PASK: variants seen among roughly 807,000 people sequenced by gnomAD.
PASK encodes the protein PAS domain-containing serine/threonine-protein kinase.
PASK carries 110 observed loss-of-function variants against 121.0 expected under a neutral mutation model. That is an observed-to-expected ratio of 0.91 (90% confidence interval 0.78 to 1.06). The LOEUF (loss-of-function observed/expected upper bound fraction) is 1.06, where lower values mean the gene tolerates loss of function less well. Ranked by LOEUF, PASK falls within the 50% of genes least tolerant of loss-of-function variation. The pLI, the probability that PASK is intolerant of heterozygous loss-of-function variation, is 0.00. For synonymous variants in PASK, 686 were observed against 717.8 expected, an observed-to-expected ratio of 0.96 and a Z score of 0.71; for missense variants, 1,643 against 1,702.3, an observed-to-expected ratio of 0.97 and a Z score of 0.61.
chr2:241,118,754 G>T (rs577361959), intron 12 of PASK: 3 of 257,448 alleles, frequency 1.2e-5, no homozygotes, highest in Non-Finnish European at 2.3e-5. Context: ...AAAGCCCAGG[G>T]GCTGGCAGGG....
chr2:241,106,263 G>C lies in PASK; in HGVS notation c.*303C>G, dbSNP rs2125396611. ...AAACAAAACATGCACATATACAAAA[G>C]TAGAAAGAGAAAACACTCATGCCTT... is the stretch of plus-strand genomic sequence containing the variant. On this transcript the variant is annotated 3_prime_UTR_variant, in exon 18 of 18. Transcript: ENST00000234040. The C allele has an allele frequency of 9.3e-6, 4 of 430,588 alleles. No individual in the cohort carries two copies. In the South Asian group the frequency reaches 9.8e-5, roughly 11 times the overall value. 26.7% of individuals were successfully genotyped at this position (430,588 alleles called of 1,614,324 possible).
At chr2:241,130,443 T>C (rs1575298305) in intron 9 of PASK, among the ~76,000 whole-genome samples, 1 of 152,192 alleles carries the variant, frequency 6.6e-6, no homozygotes, top group Admixed American at 6.5e-5. Flanking sequence ...ACGTGGCCTC[T>C]GTCCACCAAG....
At chr2:241,147,626 A>C (rs944410153) in intron 1 of PASK, among the ~76,000 whole-genome samples, 4 of 152,214 alleles carry the variant, frequency 2.6e-5, no homozygotes, top group Admixed American at 1.3e-4. Flanking sequence ...GTCTCAAAAA[A>C]TAAAATAATA....
Position 241,106,562 on chromosome 2 carries a change from G to C in PASK, c.*4C>G, listed in dbSNP as rs1344978812. The C allele has an allele frequency of 6.2e-7, 1 of 1,614,074 alleles. No individual in the cohort carries two copies. Among genetic ancestry groups the C allele is most frequent in the East Asian group, 2.2e-5 (1 of 44,886 alleles). ...AGTGGAGAAAAGCAGGAAGAAATTG[G>C]TGTTTAGCTGGTCAGCAGACGGGGA... On this transcript the variant is annotated 3_prime_UTR_variant, in exon 18 of 18. Coordinates refer to ENST00000234040, the MANE Select transcript of PASK (RefSeq NM_015148.4).
chr2:241,115,951 T>C (rs1308427277), intron 12 of PASK, among the ~76,000 whole-genome samples: 1 of 90,364 alleles, frequency 1.1e-5, no homozygotes, highest in African/African-American at 8.9e-5. Context: ...AAGCATCCCA[T>C]TACGCCGGGG....
intron 12 of PASK, among the ~76,000 whole-genome samples, chr2:241,119,552 C>T: frequency 6.6e-6 from 1 of 151,138 alleles, no homozygotes; most frequent in East Asian, 1.9e-4. Flanking sequence ...TCACTGCAAG[C>T]TCCGCCTCCC....
chr2:241,138,558 T>C (rs1470030067), intron 5 of PASK, 96 bp downstream of exon 5: 8 of 1,430,120 alleles, frequency 5.6e-6, no homozygotes, highest in Non-Finnish European at 7.8e-6. Flanking sequence ...CCTCTCTTTC[T>C]TCCCAAAGGA....
intron 7 of PASK, among the ~76,000 whole-genome samples, chr2:241,136,547 C>T (rs563748022): frequency 1.3e-5 from 2 of 152,320 alleles, no homozygotes; most frequent in South Asian, 4.1e-4. Flanking sequence ...ACAGAGGGCA[C>T]AAGTGTCCAT....
In PASK at chr2:241,126,307, G is replaced by A; in HGVS notation, c.2608C>T (p.Gln870Ter). The change falls in exon 10 of 18, where the codon CAG becomes TAG. Residue 870 changes from glutamine (Q) to a stop codon, truncating the protein, a stop_gained. Coordinates refer to ENST00000234040, the MANE Select transcript of PASK (RefSeq NM_015148.4). LOFTEE classifies it high-confidence loss of function. ...ACGATCACGGGCGTGGAGGTGACCTGGACGTTCAGCCTTGGCTCCTCTGCT... is the reference window on the plus strand; with the variant it reads ...ACGATCACGGGCGTGGAGGTGACCTAGACGTTCAGCCTTGGCTCCTCTGCT... Reference protein sequence around the residue: ...PSAEEPRLNVQVTSTPVIVMR... With the variant: ...PSAEEPRLNV 6.2e-7 allele frequency: 1 copy of A among 1,614,216 alleles called. No homozygotes were observed. Among genetic ancestry groups the A allele is most frequent in the Non-Finnish European group, 8.5e-7 (1 of 1,180,032 alleles).
At chr2:241,131,078 A>G (rs530727219) in intron 9 of PASK, among the ~76,000 whole-genome samples, 1 of 152,248 alleles carries the variant, frequency 6.6e-6, no homozygotes, top group South Asian at 2.1e-4. Flanking sequence ...GGGGGATTGG[A>G]AGACGGCCAG....
chr2:241,113,371 CATACCTGCATATTTATAT>C, intron 14 of PASK: 1 of 93,148 alleles, frequency 1.1e-5, no homozygotes, highest in African/African-American at 8.8e-5. Context: ...CAAACATATA[CATACCTGCATATTTATAT>C]ATACATACCT....
intron 12 of PASK, 109 bp downstream of exon 12, chr2:241,122,623 C>T: frequency 9.9e-7 from 1 of 1,011,500 alleles, no homozygotes; most frequent in Non-Finnish European, 1.6e-6. Context: ...GTGCTTGGTG[C>T]CATACCTAGA....
chr2:241,113,734 T>A (rs568257413), intron 14 of PASK: 69 of 985,502 alleles, frequency 7.0e-5, no homozygotes, highest in Non-Finnish European at 7.3e-5. Context: ...TTCCTGCAGA[T>A]GCTTCTGTGC....
intron 9 of PASK, among the ~76,000 whole-genome samples, chr2:241,131,502 AT>A (rs1262023758): frequency 2.0e-5 from 3 of 152,162 alleles, no homozygotes; most frequent in Non-Finnish European, 4.4e-5. Context: ...TCTATTACAT[AT>A]TTTTTAAATA....
rs1363946339 is a variant in PASK, at chr2:241,138,644, GCA to G, written c.741+8_741+9del. ...CGTCCATGAGACATGAGGCAAAGTTGCACACTCACATCGCTCTGGAAAGCGAC... is the reference window on the plus strand; with the variant it reads ...CGTCCATGAGACATGAGGCAAAGTTGCACTCACATCGCTCTGGAAAGCGAC... On this transcript the variant is annotated splice_region_variant and intron_variant, in intron 5 of 17. Transcript: ENST00000234040. The G allele has an allele frequency of 1.2e-5, 20 of 1,613,610 alleles. No individual in the cohort carries two copies. Among genetic ancestry groups the G allele is most frequent in the Non-Finnish European group, 1.6e-5 (19 of 1,179,986 alleles).
chr2:241,150,181 T>C, upstream of PASK: 2 of 1,271,144 alleles, frequency 1.6e-6, no homozygotes, highest in Non-Finnish European at 2.0e-6. Context: ...CTCTCCACTC[T>C]GCCTAGACGT....
intron 9 of PASK, among the ~76,000 whole-genome samples, chr2:241,128,534 C>A (rs752289677): frequency 4.1e-4 from 63 of 152,264 alleles, no homozygotes; most frequent in Middle Eastern, 3.4e-3. Flanking sequence ...CCACCTCACT[C>A]GGGGACAGAC....
At position 241,108,941 on chromosome 2, in the gene PASK, C is replaced by T. The variant is rs1292952166; in HGVS notation, c.3534-641G>A. On this transcript the variant is annotated intron_variant, in intron 15 of 17. Transcript: ENST00000234040. The surrounding 1 kb of genome is among the most constrained non-coding windows in gnomAD (Gnocchi z 5.2). ...CCAAAGGACTATTGTTACTTCCTGT[C>T]GCCGTAAACATCCTCATCCACGCTA... 6.3e-6 allele frequency: 1 copy of T among 158,328 alleles called. No homozygotes were observed. The highest frequency in any genetic ancestry group is 1.4e-5 in the Non-Finnish European group (1 of 71,478). 9.8% of individuals were successfully genotyped at this position (158,328 alleles called of 1,614,324 possible).
intron 9 of PASK, among the ~76,000 whole-genome samples, chr2:241,131,292 G>A (rs1468407696): frequency 6.6e-6 from 1 of 151,970 alleles, no homozygotes; most frequent in Non-Finnish European, 1.5e-5. Flanking sequence ...GGGACTACAG[G>A]CGCCCGCCAC....
Sources: allele counts gnomAD v4.1 joint callset (sites outside exome capture counted in the v4.1 genomes callset), GRCh38; gene constraint gnomAD v4.1.1; non-coding constraint Gnocchi (gnomAD v3.1); transcripts MANE v1.5; gene names NCBI Gene and HGNC (gene_info 2026-07-23, HGNC 2026-07-21).